The following IGSF10 variants were observed in gnomAD, a reference collection of about 807,000 sequenced individuals.
The protein encoded by IGSF10 is calvaria mechanical force protein 608.
A neutral mutation model predicts 128.2 loss-of-function variants in IGSF10; 126 were observed. That is an observed-to-expected ratio of 0.98 (90% CI 0.85 to 1.14). The LOEUF (loss-of-function observed/expected upper bound fraction) is 1.14. Ranked by LOEUF, IGSF10 falls within the 50% of genes most tolerant of loss-of-function variation. The pLI, the probability that IGSF10 is intolerant of heterozygous loss-of-function variation, is 0.00. For missense variants in IGSF10, 3,295 were observed against 3,149.8 expected, an observed-to-expected ratio of 1.05 and a Z score of -1.10; for synonymous variants, 1,185 against 1,146.2, an observed-to-expected ratio of 1.03 and a Z score of -0.68.
At chr3:151,471,042 C>T in the IGSF10 span, among the ~76,000 whole-genome samples, 2 of 152,118 alleles carry the variant, frequency 1.3e-5, no homozygotes, top group Non-Finnish European at 2.9e-5. Context: ...ACCGAAATCG[C>T]ACCTTGAATT....
chr3:151,531,473 TAACA>T, the IGSF10 span, among the ~76,000 whole-genome samples: 9 of 152,254 alleles, frequency 5.9e-5, no homozygotes, highest in African/African-American at 1.9e-4. Flanking sequence ...ATGGAAATCA[TAACA>T]AACAGTCTCT....
chr3:151,491,120 GA>G, the IGSF10 span, among the ~76,000 whole-genome samples: 2 of 152,036 alleles, frequency 1.3e-5, no homozygotes, highest in Admixed American at 1.3e-4. Context: ...AAGAAAAAGA[GA>G]GAGAAGACAA....
At position 151,447,218 on chromosome 3, in the gene IGSF10, T is replaced by G. The variant is rs751772820; in HGVS notation, c.2763A>C (p.Pro921=). The part of the protein sequence containing the change: ...RGREHFQSRP[P]ITVRTMIKDV... ...CTTTGATCATAGTCCTTACTGTTAT[T>G]GGGGGTCTACTTTGGAAATGCTCTC... The change falls in exon 6 of 8, where the codon CCA becomes CCC. Residue 921 remains proline (P), a synonymous_variant. Coordinates refer to ENST00000282466, the MANE Select transcript of IGSF10 (RefSeq NM_178822.5). 2.5e-5 allele frequency: 41 copies of G among 1,614,092 alleles called. 1 individual carries two copies. The African/African-American group carries it at 3.1e-4, about 12-fold the overall frequency.
chr3:151,514,558 G>A, the IGSF10 span, among the ~76,000 whole-genome samples: 29 of 152,102 alleles, frequency 1.9e-4, no homozygotes, highest in East Asian at 5.6e-3. Context: ...TAGGCATGGG[G>A]AAGAACTTCA....
upstream of IGSF10, among the ~76,000 whole-genome samples, chr3:151,462,822 C>T (rs1722114027): frequency 6.6e-6 from 1 of 152,140 alleles, no homozygotes; most frequent in African/African-American, 2.4e-5. Context: ...TGGTCTTTAG[C>T]TCTGCAGAGC....
the IGSF10 span, among the ~76,000 whole-genome samples, chr3:151,519,188 T>C: frequency 2.0e-5 from 3 of 151,878 alleles, no homozygotes; most frequent in African/African-American, 7.2e-5. Context: ...ATTTGTTTCT[T>C]GTTCATGTGT....
chr3:151,533,477 C>A, the IGSF10 span, among the ~76,000 whole-genome samples: 1 of 152,132 alleles, frequency 6.6e-6, no homozygotes, highest in Non-Finnish European at 1.5e-5. Flanking sequence ...TGGAACACAA[C>A]AGAGGCCTCA....
At chr3:151,596,962 C>T in the IGSF10 span, among the ~76,000 whole-genome samples, 10 of 152,032 alleles carry the variant, frequency 6.6e-5, no homozygotes, top group South Asian at 1.7e-3. Flanking sequence ...GCCAGTAGTT[C>T]CTATGAGACT....
At chr3:151,544,697 T>C in the IGSF10 span, among the ~76,000 whole-genome samples, 1 of 152,082 alleles carries the variant, frequency 6.6e-6, no homozygotes, top group Non-Finnish European at 1.5e-5. Context: ...CTCTCTTTTT[T>C]TTTTTTTTCA....
At chr3:151,473,292 T>C in the IGSF10 span, among the ~76,000 whole-genome samples, 1 of 152,234 alleles carries the variant, frequency 6.6e-6, no homozygotes, top group Non-Finnish European at 1.5e-5. Flanking sequence ...ATTCCACTGA[T>C]GCCAATGCCT....
At chr3:151,581,376 C>T in the IGSF10 span, among the ~76,000 whole-genome samples, 1 of 152,174 alleles carries the variant, frequency 6.6e-6, no homozygotes, top group Non-Finnish European at 1.5e-5. Context: ...AATGAAGAGA[C>T]AAATTATAGT....
chr3:151,513,727 G>C, the IGSF10 span, among the ~76,000 whole-genome samples: 1 of 152,168 alleles, frequency 6.6e-6, no homozygotes, highest in African/African-American at 2.4e-5. Flanking sequence ...AAACCCCATT[G>C]TCTCAGCCCA....
the IGSF10 span, among the ~76,000 whole-genome samples, chr3:151,488,242 T>G: frequency 6.6e-6 from 1 of 152,052 alleles, no homozygotes; most frequent in African/African-American, 2.4e-5. Flanking sequence ...GAGAATTAAG[T>G]ACCTAGGAAT....
At chr3:151,481,703 T>A in the IGSF10 span, among the ~76,000 whole-genome samples, 2 of 152,230 alleles carry the variant, frequency 1.3e-5, no homozygotes, top group East Asian at 3.9e-4. Flanking sequence ...CCACAGCTAC[T>A]CCAAGCACCT....
intron 6 of IGSF10, 109 bp from the exon 7 acceptor site, chr3:151,443,993 GC>G: frequency 1.2e-6 from 1 of 863,504 alleles, no homozygotes; most frequent in Non-Finnish European, 1.7e-6. Flanking sequence ...TAAAATGAAA[GC>G]CCAGCCCTAT....
chr3:151,506,915 T>A, the IGSF10 span, among the ~76,000 whole-genome samples: 1 of 152,230 alleles, frequency 6.6e-6, no homozygotes. Flanking sequence ...TATATGCATA[T>A]GTGATATTTG....
the IGSF10 span, among the ~76,000 whole-genome samples, chr3:151,580,133 C>T: frequency 1.6e-3 from 248 of 152,060 alleles, no homozygotes; most frequent in African/African-American, 5.7e-3. Flanking sequence ...GCTTAAGCCC[C>T]AGGAGTTTGA....
At chr3:151,574,356 A>G in the IGSF10 span, among the ~76,000 whole-genome samples, 1 of 152,192 alleles carries the variant, frequency 6.6e-6, no homozygotes, top group Non-Finnish European at 1.5e-5. Context: ...AGGTACACCA[A>G]TCAAACGTAG....
the IGSF10 span, among the ~76,000 whole-genome samples, chr3:151,532,462 CA>C: frequency 6.6e-6 from 1 of 152,104 alleles, no homozygotes; most frequent in Non-Finnish European, 1.5e-5. Flanking sequence ...AGCAGTACAT[CA>C]AAAAGCTTAT....
Sources: gnomAD v4.1 joint callset for allele counts (sites outside exome capture counted in the v4.1 genomes callset) on GRCh38, gnomAD v4.1.1 for gene constraint, MANE v1.5 for transcripts, NCBI Gene and HGNC (gene_info 2026-07-23, HGNC 2026-07-21) for gene names.